The following ASPH variants were observed in gnomAD, a reference collection of about 807,000 sequenced individuals.
The protein encoded by ASPH is aspartate beta-hydroxylase.
Under a neutral mutation model 118.4 loss-of-function variants are expected in ASPH, and 100 were observed. The ratio of observed to expected loss-of-function variants is 0.84; its 90% CI spans 0.72 to 1.00. ASPH has a LOEUF of 1.00. Among genes scored for constraint, ASPH ranks in the 50% least tolerant of loss-of-function variants. The probability of loss-of-function intolerance (pLI) is 0.00; values close to 1 mark genes in which losing one functional copy is unlikely to be tolerated. For synonymous variants in ASPH, 315 were observed against 325.6 expected (o/e 0.97, Z 0.35); for missense variants, 920 against 919.5 (o/e 1.00, Z -0.01).
chr8:61,602,031 A>G (rs1206853609), intron 14 of ASPH, among the ~76,000 whole-genome samples: 1 of 151,380 alleles, frequency 6.6e-6, no homozygotes, highest in Non-Finnish European at 1.5e-5. Context: ...TCACTAGTGA[A>G]TTCTATCAAA....
chr8:61,710,034 T>G (rs146016323), intron 1 of ASPH, among the ~76,000 whole-genome samples: 220 of 152,062 alleles, frequency 1.4e-3, no homozygotes, highest in African/African-American at 4.9e-3. Flanking sequence ...TGCAATGGCC[T>G]GATGACATCT....
intron 10 of ASPH, among the ~76,000 whole-genome samples, chr8:61,642,134 A>T (rs1805412887): frequency 6.6e-6 from 1 of 152,230 alleles, no homozygotes; most frequent in Non-Finnish European, 1.5e-5. Flanking sequence ...TGCTGATGCC[A>T]CAAATTTGCC....
chr8:61,698,507 C>T (rs1834462283), intron 1 of ASPH, among the ~76,000 whole-genome samples: 1 of 152,226 alleles, frequency 6.6e-6, no homozygotes, highest in East Asian at 1.9e-4. Context: ...TCTGGAAGCT[C>T]CAGGAACCAT....
In ASPH at chr8:61,624,399, C is replaced by T. The variant is rs1322179698; in HGVS notation, c.935-5380G>A. The T allele has an allele frequency of 7.1e-6, 7 of 985,306 alleles. No homozygotes were observed. The South Asian group carries it at 2.3e-4, about 33-fold the overall frequency. The allele number at this position is 985,306 out of a possible 1,614,324, so 61.0% of individuals were successfully genotyped here. ...GCATTATCTGTTAGAAATACGTTAA[C>T]TGGCTGAAGGTATTCCTTTGTGATT... On this transcript the variant is annotated intron_variant, in intron 13 of 24. Transcript: ENST00000379454.
chr8:61,528,977 T>C (rs748880826), intron 21 of ASPH, among the ~76,000 whole-genome samples: 1 of 152,222 alleles, frequency 6.6e-6, no homozygotes, highest in Non-Finnish European at 1.5e-5. Flanking sequence ...ATTTTGATTA[T>C]AAAACAGTCG....
intron 21 of ASPH, among the ~76,000 whole-genome samples, chr8:61,546,920 C>T (rs1004254200): frequency 6.6e-6 from 1 of 152,188 alleles, no homozygotes; most frequent in Non-Finnish European, 1.5e-5. Flanking sequence ...AATATTTTGT[C>T]ACTCTTCCTC....
intron 24 of ASPH, among the ~76,000 whole-genome samples, chr8:61,509,092 T>G (rs1807804080): frequency 6.6e-6 from 1 of 152,014 alleles, no homozygotes; most frequent in Non-Finnish European, 1.5e-5. Context: ...TTTAAGGGGT[T>G]TGTAACTCAG....
chr8:61,521,440 G>A (rs1812973366), intron 22 of ASPH, among the ~76,000 whole-genome samples: 1 of 152,190 alleles, frequency 6.6e-6, no homozygotes, highest in South Asian at 2.1e-4. Context: ...TTTCAGATGA[G>A]GGATTTGAAG....
chr8:61,668,110 C>A, intron 3 of ASPH: 1 of 929,556 alleles, frequency 1.1e-6, no homozygotes. Flanking sequence ...AAGTTGCACC[C>A]AAGCAAGACC....
chr8:61,579,583 C>G (rs1244373278), intron 15 of ASPH: 1 of 1,521,256 alleles, frequency 6.6e-7, no homozygotes, highest in South Asian at 1.1e-5. Flanking sequence ...CTCAGCCGCA[C>G]CAGTTCCTCC....
intron 2 of ASPH, chr8:61,682,625 A>G (rs1028008399): frequency 1.4e-6 from 1 of 731,908 alleles, no homozygotes; most frequent in African/African-American, 1.8e-5. Flanking sequence ...ATTTGTCTCC[A>G]GACTAAAATT....
rs760082280 is a variant in ASPH, at chr8:61,654,658, C to CA, written c.323-999dup. Among the ~76,000 whole-genome samples, 8 of 152,182 alleles carry CA rather than the reference C, an allele frequency of 5.3e-5. No individual in the cohort carries two copies. In the South Asian group the frequency reaches 6.2e-4, roughly 12 times the overall value. On this transcript the variant is annotated intron_variant, in intron 3 of 24. Coordinates refer to ENST00000379454, the MANE Select transcript of ASPH (RefSeq NM_004318.4). ...TGTCTCTTCATGTTTCTTTTATGGACAAAAACATACTCCCACATTCCTCTT... is the reference window on the plus strand; with the variant it reads ...TGTCTCTTCATGTTTCTTTTATGGACAAAAAACATACTCCCACATTCCTCTT...
chr8:61,505,416 C>T (rs1466714586), intron 24 of ASPH, among the ~76,000 whole-genome samples: 11 of 149,942 alleles, frequency 7.3e-5, no homozygotes, highest in African/African-American at 2.7e-4. Flanking sequence ...ATTGCTTGAA[C>T]CTGGGAGGCA....
At chr8:61,640,713 T>C (rs140035104) in intron 10 of ASPH, among the ~76,000 whole-genome samples, 54 of 152,354 alleles carry the variant, frequency 3.5e-4, no homozygotes, top group South Asian at 2.1e-3. Context: ...TGTTCTTCAC[T>C]AGAACTGCTC....
intron 15 of ASPH, among the ~76,000 whole-genome samples, chr8:61,580,711 T>C (rs532060414): frequency 7.3e-4 from 111 of 152,358 alleles, no homozygotes; most frequent in African/African-American, 2.5e-3. Flanking sequence ...TCTGTCTTCA[T>C]ACTGCTTTCT....
chr8:61,664,415 C>G, intron 3 of ASPH: 1 of 978,480 alleles, frequency 1.0e-6, no homozygotes, highest in Non-Finnish European at 1.2e-6. Context: ...ATAAAGGTAT[C>G]ATAAATAAAA....
At chr8:61,645,355 T>C (rs1203971067) in intron 6 of ASPH, among the ~76,000 whole-genome samples, 3 of 152,212 alleles carry the variant, frequency 2.0e-5, no homozygotes, top group Non-Finnish European at 4.4e-5. Flanking sequence ...AAATTCCTCA[T>C]GCTTCTGTTT....
chr8:61,654,989 A>C (rs999193748), intron 3 of ASPH, among the ~76,000 whole-genome samples: 2 of 152,210 alleles, frequency 1.3e-5, no homozygotes, highest in African/African-American at 4.8e-5. Flanking sequence ...CATTTAAATA[A>C]TCATTTTTAC....
At chr8:61,505,493 C>CG (rs1806145576) in intron 24 of ASPH, among the ~76,000 whole-genome samples, 3 of 110,562 alleles carry the variant, frequency 2.7e-5, no homozygotes, top group Admixed American at 9.1e-5. Context: ...GACTCCATCT[C>CG]AAAAAAAAAA....
Sources: gnomAD v4.1 joint callset for allele counts (sites outside exome capture counted in the v4.1 genomes callset) on GRCh38, gnomAD v4.1.1 for gene constraint, MANE v1.5 for transcripts, NCBI Gene and HGNC (gene_info 2026-07-23, HGNC 2026-07-21) for gene names.